The following GALNT2 variants were observed in gnomAD, a reference collection of about 807,000 sequenced individuals.
The protein encoded by GALNT2 is polypeptide N-acetylgalactosaminyltransferase 2.
In GALNT2, 31 loss-of-function variants were observed where a neutral mutation model predicts 81.4. That is an observed-to-expected ratio of 0.38 (90% CI 0.29 to 0.51). GALNT2 has a LOEUF of 0.51. Ranked by LOEUF, GALNT2 falls within the 20% of genes least tolerant of loss-of-function variation. GALNT2 has a pLI of 0.87. For missense variants in GALNT2, 629 were observed against 765.7 expected, an observed-to-expected ratio of 0.82 and a Z score of 2.11; for synonymous variants, 303 against 287.4, an observed-to-expected ratio of 1.05 and a Z score of -0.55.
chr1:230,060,260 A>C (rs114246864), intron 1 of GALNT2, among the ~76,000 whole-genome samples: 17 of 152,256 alleles, frequency 1.1e-4, no homozygotes, highest in Non-Finnish European at 2.4e-4. Context: ...TTTCATTTGA[A>C]TATATTCTCC....
intron 1 of GALNT2, among the ~76,000 whole-genome samples, chr1:230,092,990 G>A (rs1204522286): frequency 6.6e-6 from 1 of 152,194 alleles, no homozygotes; most frequent in Non-Finnish European, 1.5e-5. Context: ...TTAATGCTCA[G>A]CATAATCCTG....
At chr1:230,153,320 G>T (rs1662146866) in intron 1 of GALNT2, among the ~76,000 whole-genome samples, 1 of 152,220 alleles carries the variant, frequency 6.6e-6, no homozygotes, top group South Asian at 2.1e-4. Context: ...GTCTGCTAAT[G>T]ATCGGTTCTT....
At chr1:230,120,619 C>G (rs1363476985) in intron 1 of GALNT2, among the ~76,000 whole-genome samples, 1 of 152,194 alleles carries the variant, frequency 6.6e-6, no homozygotes, top group East Asian at 1.9e-4. Context: ...CAGCTCCGAT[C>G]TGCCCTTCCT....
chr1:230,250,307 G>A (rs1233753077), intron 9 of GALNT2, 150 bp from the exon 10 acceptor site: 10 of 667,288 alleles, frequency 1.5e-5, no homozygotes, highest in Admixed American at 6.4e-5. Flanking sequence ...TGGCATGCTG[G>A]GCACTGAGCA....
At chr1:230,261,874 G>A (rs1272282011) in intron 11 of GALNT2, 1 of 152,170 alleles carries the variant, frequency 6.6e-6, no homozygotes, top group Non-Finnish European at 1.5e-5. Flanking sequence ...AGCTGGGTGT[G>A]GTGGTACATG....
At chr1:230,086,590 C>T (rs557300024) in intron 1 of GALNT2, among the ~76,000 whole-genome samples, 3 of 152,008 alleles carry the variant, frequency 2.0e-5, no homozygotes, top group East Asian at 1.9e-4. Context: ...TTTTTTCCCC[C>T]GTGTGTTAAG....
At chr1:230,097,091 G>A (rs60191216) in intron 1 of GALNT2, among the ~76,000 whole-genome samples, 2,895 of 152,246 alleles carry the variant, frequency 0.019, 101 homozygotes, top group African/African-American at 0.066. Context: ...TTCAGGCCCA[G>A]TATCATCGGT....
In GALNT2 at chr1:230,281,741, G is replaced by C. The variant is rs952709576; in HGVS notation, c.*2283G>C. On this transcript the variant is annotated 3_prime_UTR_variant, in exon 16 of 16. Transcript: ENST00000366672. ...CAAGAGCAGGGGTGGGCCGGGGAGG[G>C]GTCCTTTGCGGTGAGCTATGTTTAC... 6.6e-6 allele frequency: 1 copy of C among 152,566 alleles called. No individual in the cohort carries two copies. The highest frequency in any genetic ancestry group is 1.5e-5 in the Non-Finnish European group (1 of 68,044). 9.5% of individuals were successfully genotyped at this position (152,566 alleles called of 1,614,324 possible).
chr1:230,079,692 C>A (rs781025893), intron 1 of GALNT2, among the ~76,000 whole-genome samples: 1 of 152,120 alleles, frequency 6.6e-6, no homozygotes, highest in Admixed American at 6.5e-5. Flanking sequence ...TGTGGATGAT[C>A]GAGAAGCAGA....
intron 1 of GALNT2, among the ~76,000 whole-genome samples, chr1:230,116,231 ATCTT>A (rs1660842694): frequency 6.6e-6 from 1 of 151,456 alleles, no homozygotes; most frequent in Non-Finnish European, 1.5e-5. Flanking sequence ...TTTACAAAAC[ATCTT>A]TCTTTTTTTT....
At chr1:230,154,901 C>T (rs1479439141) in intron 1 of GALNT2, among the ~76,000 whole-genome samples, 2 of 152,284 alleles carry the variant, frequency 1.3e-5, no homozygotes, top group East Asian at 3.9e-4. Flanking sequence ...ATTTATAACT[C>T]ACCTTATCAC....
intron 6 of GALNT2, among the ~76,000 whole-genome samples, chr1:230,237,553 G>A (rs897496404): frequency 1.3e-5 from 2 of 152,180 alleles, no homozygotes; most frequent in Admixed American, 1.3e-4. Flanking sequence ...GAGTCAAGGA[G>A]TGAAGTTTTT....
intron 3 of GALNT2, among the ~76,000 whole-genome samples, chr1:230,208,317 G>A (rs958931559): frequency 3.3e-5 from 5 of 152,298 alleles, no homozygotes; most frequent in Admixed American, 2.0e-4. Flanking sequence ...CTGGAGGGGG[G>A]TATGGCTTGG....
At position 230,236,100 on chromosome 1, in the gene GALNT2, G is replaced by T. The variant is rs1323427479; in HGVS notation, c.461G>T (p.Arg154Met). The change falls in exon 4 of 16, where the codon AGG becomes ATG. Residue 154 changes from arginine to methionine, a missense_variant. Around this residue, in one of 3 missense-constraint regions of GALNT2, gnomAD observed 360 missense variants for 492.8 expected, o/e 0.73. Coordinates refer to ENST00000366672, the MANE Select transcript of GALNT2 (RefSeq NM_004481.5). ...FHNEARSALLRTVVSVLKKSP... is the reference protein window; with the variant it reads ...FHNEARSALLMTVVSVLKKSP... The stretch of plus-strand genomic sequence containing the variant: ...AATGAAGCCAGGTCGGCCCTACTCA[G>T]GACCGTGGTCAGGTGAGGCCAGGAG... 1 of 1,614,058 alleles carries T rather than the reference G, an allele frequency of 6.2e-7. No homozygotes were observed. Among genetic ancestry groups the T allele is most frequent in the South Asian group, 1.1e-5 (1 of 91,074 alleles).
intron 1 of GALNT2, among the ~76,000 whole-genome samples, chr1:230,073,340 C>T (rs898150858): frequency 2.0e-4 from 30 of 152,196 alleles, no homozygotes; most frequent in African/African-American, 7.0e-4. Flanking sequence ...AAAGCCTCTC[C>T]CACCTTTCTC....
At chr1:230,262,513 A>G in intron 11 of GALNT2, 60 bp from the exon 12 acceptor site, 1 of 1,437,146 alleles carries the variant, frequency 7.0e-7, no homozygotes, top group South Asian at 1.2e-5. Flanking sequence ...GACAGGTGCA[A>G]ATGGAGTGAT....
chr1:230,182,242 A>G (rs946131860), intron 2 of GALNT2, among the ~76,000 whole-genome samples: 5 of 149,864 alleles, frequency 3.3e-5, no homozygotes, highest in Non-Finnish European at 5.9e-5. Context: ...TGATTTCTGT[A>G]ATAATTTTTA....
chr1:230,204,373 T>A (rs1472779825), intron 3 of GALNT2, among the ~76,000 whole-genome samples: 1 of 152,160 alleles, frequency 6.6e-6, no homozygotes, highest in Non-Finnish European at 1.5e-5. Context: ...TTCACCATGT[T>A]GGCCAGGCTG....
chr1:230,225,163 A>G (rs1664669148), intron 3 of GALNT2, among the ~76,000 whole-genome samples: 1 of 152,226 alleles, frequency 6.6e-6, no homozygotes, highest in Non-Finnish European at 1.5e-5. Flanking sequence ...TGCCATTATG[A>G]CTGTTTGGAG....
Sources: gnomAD v4.1 joint callset for allele counts (sites outside exome capture counted in the v4.1 genomes callset) on GRCh38, gnomAD v4.1.1 for gene constraint, gnomAD v4.1.1 regional missense constraint, MANE v1.5 for transcripts, NCBI Gene and HGNC (gene_info 2026-07-23, HGNC 2026-07-21) for gene names.